The following LUZP2 variants were observed in gnomAD, a reference collection of about 807,000 sequenced individuals.
The protein encoded by LUZP2 is leucine zipper protein 2.
A neutral mutation model predicts 51.6 loss-of-function variants in LUZP2; 52 were observed. The observed-to-expected ratio is 1.01, with a 90% CI of 0.81 to 1.27. LUZP2 has a LOEUF of 1.27. Among genes scored for constraint, LUZP2 ranks in the 50% most tolerant of loss-of-function variants. LUZP2 has a pLI of 0.00. For synonymous variants in LUZP2, 154 were observed against 137.3 expected (o/e 1.12, Z -0.85); for missense variants, 436 against 395.4 (o/e 1.10, Z -0.87).
intron 5 of LUZP2, among the ~76,000 whole-genome samples, chr11:24,830,242 G>T (rs1365661504): frequency 2.1e-5 from 3 of 143,088 alleles, no homozygotes; most frequent in East Asian, 3.9e-4. Context: ...AAGCACTTTG[G>T]TTCATCTTTC....
At chr11:24,683,010 T>C (rs999097173) in intron 1 of LUZP2, among the ~76,000 whole-genome samples, 3 of 152,044 alleles carry the variant, frequency 2.0e-5, no homozygotes, top group African/African-American at 7.2e-5. Flanking sequence ...AGAATGTTAG[T>C]GATTGTGGGA....
intron 1 of LUZP2, among the ~76,000 whole-genome samples, chr11:24,598,139 C>A (rs9651584): frequency 1.3e-5 from 2 of 151,602 alleles, no homozygotes; most frequent in Non-Finnish European, 2.9e-5. Context: ...TATTAAGCAC[C>A]TGCTTTGTGC....
intron 5 of LUZP2, among the ~76,000 whole-genome samples, chr11:24,873,377 A>C (rs1296752547): frequency 6.6e-6 from 1 of 152,352 alleles, no homozygotes; most frequent in South Asian, 2.1e-4. Flanking sequence ...TAAGCCCAGC[A>C]TAAGTCAGAA....
At chr11:24,656,651 C>T (rs898906603) in intron 1 of LUZP2, among the ~76,000 whole-genome samples, 5 of 152,158 alleles carry the variant, frequency 3.3e-5, no homozygotes, top group Non-Finnish European at 5.9e-5. Context: ...TATTGTAGAA[C>T]TATGGTCCTT....
intron 5 of LUZP2, among the ~76,000 whole-genome samples, chr11:24,861,650 T>A (rs573048714): frequency 6.6e-6 from 1 of 152,294 alleles, no homozygotes; most frequent in African/African-American, 2.4e-5. Flanking sequence ...TGCCCGCCAC[T>A]AGTGGCCGAA....
chr11:25,015,166 C>G (rs565831636), intron 9 of LUZP2, among the ~76,000 whole-genome samples: 1 of 151,836 alleles, frequency 6.6e-6, no homozygotes, highest in South Asian at 2.1e-4. Context: ...ATGCTATATC[C>G]GTATAAATTC....
chr11:24,541,832 C>T (rs1424489758), intron 1 of LUZP2, among the ~76,000 whole-genome samples: 3 of 151,860 alleles, frequency 2.0e-5, no homozygotes, highest in African/African-American at 4.8e-5. Context: ...AAGATAAGTA[C>T]AGCCTAAAAT....
chr11:24,696,780 A>G (rs2133900168), intron 1 of LUZP2, among the ~76,000 whole-genome samples: 1 of 152,200 alleles, frequency 6.6e-6, no homozygotes, highest in African/African-American at 2.4e-5. Flanking sequence ...GATTATAAGA[A>G]TTTTTATAAA....
chr11:24,811,680 G>T (rs1850028097), intron 5 of LUZP2, among the ~76,000 whole-genome samples: 1 of 151,892 alleles, frequency 6.6e-6, no homozygotes, highest in Admixed American at 6.6e-5. Flanking sequence ...TGTCTTTCTG[G>T]AAATTATACT....
chr11:24,551,358 T>C (rs1347841495), intron 1 of LUZP2, among the ~76,000 whole-genome samples: 2 of 152,082 alleles, frequency 1.3e-5, no homozygotes, highest in African/African-American at 4.8e-5. Flanking sequence ...TATTGTATTA[T>C]TCATTTTTGA....
In LUZP2 at chr11:24,878,113, TTTTTG is replaced by T. The variant is rs1565039789; in HGVS notation, c.397-27877_397-27873del. Among the ~76,000 whole-genome samples the T allele has an allele frequency of 4.3e-4, 65 of 151,114 alleles. 1 individual carries two copies. Among genetic ancestry groups the T allele is most frequent in the African/African-American group, 1.4e-3 (58 of 41,274 alleles). On this transcript the variant is annotated intron_variant, in intron 5 of 11. Coordinates refer to ENST00000336930, the MANE Select transcript of LUZP2 (RefSeq NM_001009909.4). Reference sequence around the variant, plus strand: ...GTAATATTCTGTGTTTTTTTTTTTTTTTTTGGTGAACTTACAATTACCAGTAAGTT... The same window carrying T: ...GTAATATTCTGTGTTTTTTTTTTTTTGTGAACTTACAATTACCAGTAAGTT...
chr11:24,636,617 A>C (rs1855115535), intron 1 of LUZP2, among the ~76,000 whole-genome samples: 2 of 152,182 alleles, frequency 1.3e-5, no homozygotes, highest in African/African-American at 4.8e-5. Context: ...ACGTAAATGC[A>C]TATCATATTT....
intron 7 of LUZP2, among the ~76,000 whole-genome samples, chr11:24,972,139 G>GGAA (rs1554948087): frequency 3.0e-5 from 1 of 32,794 alleles, no homozygotes; most frequent in Non-Finnish European, 5.0e-5. Context: ...GTGAGACTCC[G>GGAA]AAAAAAAAAA....
chr11:24,989,872 GT>G (rs1477542000), intron 9 of LUZP2, among the ~76,000 whole-genome samples: 2 of 151,742 alleles, frequency 1.3e-5, no homozygotes, highest in South Asian at 2.1e-4. Flanking sequence ...AAATCAGGTT[GT>G]TTTTTTTCTA....
chr11:24,897,696 C>T (rs1442930893), intron 5 of LUZP2, among the ~76,000 whole-genome samples: 1 of 152,100 alleles, frequency 6.6e-6, no homozygotes, highest in Non-Finnish European at 1.5e-5. Flanking sequence ...TGGCTTCCTT[C>T]TTGAAGTCAG....
intron 6 of LUZP2, among the ~76,000 whole-genome samples, chr11:24,906,567 C>A (rs1485349468): frequency 6.6e-6 from 1 of 152,078 alleles, no homozygotes; most frequent in African/African-American, 2.4e-5. Flanking sequence ...ATAGATTTAA[C>A]TAAAATAATC....
At chr11:24,626,466 T>A (rs4923199) in intron 1 of LUZP2, among the ~76,000 whole-genome samples, 30,620 of 152,144 alleles carry the variant, frequency 0.2, 3,796 homozygotes, top group East Asian at 0.33. Flanking sequence ...CACAATTACA[T>A]TTTCCTCCTC....
chr11:24,860,555 G>A (rs955551470), intron 5 of LUZP2, among the ~76,000 whole-genome samples: 4 of 152,148 alleles, frequency 2.6e-5, no homozygotes, highest in Non-Finnish European at 5.9e-5. Context: ...CAACAGGATG[G>A]TGCCTCAAGA....
At chr11:24,873,137 C>T (rs1852135565) in intron 5 of LUZP2, among the ~76,000 whole-genome samples, 1 of 152,132 alleles carries the variant, frequency 6.6e-6, no homozygotes, top group East Asian at 1.9e-4. Context: ...TGCTTTCAAA[C>T]CCCAGTGCTA....
Sources: gnomAD v4.1 joint callset for allele counts (sites outside exome capture counted in the v4.1 genomes callset) on GRCh38, gnomAD v4.1.1 for gene constraint, MANE v1.5 for transcripts, NCBI Gene and HGNC (gene_info 2026-07-23, HGNC 2026-07-21) for gene names.